Variants in GNB1 observed in about 807,000 individuals in gnomAD.
GNB1 encodes the protein guanine nucleotide-binding protein G(I)/G(S)/G(T) subunit beta-1.
GNB1 carries 2 observed loss-of-function variants against 42.9 expected under a neutral mutation model. That is an observed-to-expected ratio of 0.05 (90% confidence interval 0.02 to 0.15). The LOEUF (loss-of-function observed/expected upper bound fraction) is 0.15, where lower values mean the gene tolerates loss of function less well. Ranked by LOEUF, GNB1 falls within the 10% of genes least tolerant of loss-of-function variation. The probability of loss-of-function intolerance (pLI) is 1.00; values close to 1 mark genes in which losing one functional copy is unlikely to be tolerated. For synonymous variants in GNB1, 183 were observed against 174.7 expected, an observed-to-expected ratio of 1.05 and a Z score of -0.38; for missense variants, 193 against 462.2, an observed-to-expected ratio of 0.42 and a Z score of 5.34.
At chr1:1,815,644 TC>T (rs1284247003) in intron 5 of GNB1, 111 bp downstream of exon 5, 5 of 634,676 alleles carry the variant, frequency 7.9e-6, no homozygotes, top group African/African-American at 7.4e-5. Flanking sequence ...TGATTCAACT[TC>T]CTAATTTCTT....
intron 1 of GNB1, among the ~76,000 whole-genome samples, chr1:1,848,357 C>CAAAAAAAAAAAAAAAAAA (rs56979938): frequency 1.1e-5 from 1 of 94,354 alleles, no homozygotes; most frequent in Non-Finnish European, 2.1e-5. Context: ...CCAGCCCAGG[C>CAAAAAAAAAAAAAAAAAA]AAAAAAAAAA....
chr1:1,811,557 G>C (rs1481315027), intron 5 of GNB1, among the ~76,000 whole-genome samples: 1 of 151,680 alleles, frequency 6.6e-6, no homozygotes, highest in African/African-American at 2.4e-5. Flanking sequence ...TTAGCCGGGC[G>C]TGGTGGCGGG....
At chr1:1,810,514 C>T (rs1280986985) in intron 5 of GNB1, among the ~76,000 whole-genome samples, 3 of 118,270 alleles carry the variant, frequency 2.5e-5, no homozygotes, top group African/African-American at 6.7e-5. Context: ...CTAGCCTGGA[C>T]GACAGAGTGA....
intron 7 of GNB1, among the ~76,000 whole-genome samples, chr1:1,796,375 G>A (rs540359773): frequency 2.6e-5 from 4 of 152,344 alleles, no homozygotes; most frequent in East Asian, 3.9e-4. Context: ...GAAGACTGCA[G>A]ACTCTGAAAT....
intron 1 of GNB1, among the ~76,000 whole-genome samples, chr1:1,840,460 G>A (rs1250986768): frequency 6.6e-6 from 1 of 152,196 alleles, no homozygotes; most frequent in Non-Finnish European, 1.5e-5. Context: ...CACAGGAGGC[G>A]GAGATTGCAG....
chr1:1,823,242 G>GCAAAA (rs1646956482), intron 3 of GNB1, among the ~76,000 whole-genome samples: 1 of 36,844 alleles, frequency 2.7e-5, no homozygotes, highest in Non-Finnish European at 5.7e-5. Context: ...ACTGTCTCCA[G>GCAAAA]AAAAAAAAAA....
intron 5 of GNB1, among the ~76,000 whole-genome samples, chr1:1,811,452 T>C (rs1646777921): frequency 6.6e-6 from 1 of 151,228 alleles, no homozygotes; most frequent in Non-Finnish European, 1.5e-5. Flanking sequence ...CCCAGCACTT[T>C]GGGAGGCCGA....
intron 2 of GNB1, among the ~76,000 whole-genome samples, chr1:1,829,995 C>T (rs924057159): frequency 2.0e-4 from 30 of 152,138 alleles, no homozygotes; most frequent in Non-Finnish European, 3.7e-4. Context: ...CCACCTCGGC[C>T]TCCCAAAGTG....
At chr1:1,807,661 C>A (rs1052153473) in intron 5 of GNB1, among the ~76,000 whole-genome samples, 4 of 151,794 alleles carry the variant, frequency 2.6e-5, no homozygotes, top group African/African-American at 9.7e-5. Context: ...AGCACCACTG[C>A]GCATGGTCCG....
In GNB1 at chr1:1,785,843, C is replaced by A; in HGVS notation, c.*1220G>T. On this transcript the variant is annotated 3_prime_UTR_variant, in exon 12 of 12. Coordinates refer to ENST00000378609, the MANE Select transcript of GNB1 (RefSeq NM_002074.5). ...AGAAATAAAGAAAACAGTGACTTAT[C>A]CCGCTACCCAAGCGTGTAGAGCCGC... 1.1e-5 allele frequency: 3 copies of A among 284,676 alleles called. No homozygotes were observed. Among genetic ancestry groups the A allele is most frequent in the Non-Finnish European group, 2.0e-5 (3 of 153,440 alleles). 17.6% of individuals were successfully genotyped at this position (284,676 alleles called of 1,614,324 possible).
chr1:1,885,620 G>C (rs1339571190), intron 1 of GNB1, among the ~76,000 whole-genome samples: 1 of 129,776 alleles, frequency 7.7e-6, no homozygotes, highest in Non-Finnish European at 1.6e-5. Context: ...GCAGTAGCAC[G>C]ATCTCGGCTC....
chr1:1,862,553 C>T (rs1648692875), intron 1 of GNB1, among the ~76,000 whole-genome samples: 1 of 151,928 alleles, frequency 6.6e-6, no homozygotes, highest in South Asian at 2.1e-4. Context: ...ACTTGACCTC[C>T]TGGGCTCAAG....
intron 4 of GNB1, among the ~76,000 whole-genome samples, chr1:1,817,012 T>C (rs1000956097): frequency 6.6e-6 from 1 of 152,194 alleles, no homozygotes; most frequent in African/African-American, 2.4e-5. Flanking sequence ...ACACTCATTG[T>C]TGTAAAACCA....
intron 1 of GNB1, among the ~76,000 whole-genome samples, chr1:1,881,376 T>A (rs931999744): frequency 2.6e-5 from 4 of 151,966 alleles, no homozygotes; most frequent in Admixed American, 2.6e-4. Context: ...TCAATCTCCT[T>A]AAAACTCTTT....
chr1:1,808,189 A>C (rs1331588277), intron 5 of GNB1, among the ~76,000 whole-genome samples: 2 of 151,984 alleles, frequency 1.3e-5, no homozygotes, highest in African/African-American at 4.8e-5. Flanking sequence ...TTTTTAGTAG[A>C]GACGGGGTTT....
intron 4 of GNB1, among the ~76,000 whole-genome samples, chr1:1,817,008 AT>A (rs1646866537): frequency 6.7e-6 from 1 of 148,970 alleles, no homozygotes; most frequent in African/African-American, 2.4e-5. Context: ...TAGTACACTC[AT>A]TGTTGTAAAA....
At chr1:1,865,061 G>A (rs944201737) in intron 1 of GNB1, among the ~76,000 whole-genome samples, 1 of 151,840 alleles carries the variant, frequency 6.6e-6, no homozygotes, top group African/African-American at 2.4e-5. Flanking sequence ...AGGAGATCGA[G>A]ACCATCCTGG....
chr1:1,802,093 G>C (rs942229647), intron 7 of GNB1, among the ~76,000 whole-genome samples: 2 of 152,196 alleles, frequency 1.3e-5, no homozygotes, highest in South Asian at 4.1e-4. Flanking sequence ...AGAATTAACA[G>C]GAAAGTTAGA....
intron 1 of GNB1, among the ~76,000 whole-genome samples, chr1:1,872,517 C>T (rs929533469): frequency 3.3e-5 from 5 of 152,216 alleles, no homozygotes; most frequent in African/African-American, 1.2e-4. Context: ...TGCCCTACAG[C>T]TTTGCTCCTG....
Sources: gnomAD v4.1 joint callset for allele counts (sites outside exome capture counted in the v4.1 genomes callset) on GRCh38, gnomAD v4.1.1 for gene constraint, MANE v1.5 for transcripts, NCBI Gene and HGNC (gene_info 2026-07-23, HGNC 2026-07-21) for gene names.